TRAF3IP2: variants seen among roughly 807,000 people sequenced by gnomAD.
TRAF3IP2 encodes the protein E3 ubiquitin ligase TRAF3IP2.
A neutral mutation model predicts 57.9 loss-of-function variants in TRAF3IP2; 35 were observed. That is an observed-to-expected ratio of 0.60 (90% confidence interval 0.46 to 0.80). TRAF3IP2 has a LOEUF of 0.80. Ranked by LOEUF, TRAF3IP2 falls within the 30% of genes least tolerant of loss-of-function variation. TRAF3IP2 has a pLI of 0.00. For missense variants in TRAF3IP2, 556 were observed against 706.4 expected (o/e 0.79, Z 2.41); for synonymous variants, 251 against 268.9 (o/e 0.93, Z 0.65).
intron 1 of TRAF3IP2, chr6:111,597,769 G>A (rs767620805): frequency 8.9e-6 from 4 of 450,856 alleles, no homozygotes; most frequent in Non-Finnish European, 1.8e-5. Context: ...TGGAACAGCT[G>A]TGCATGTGAG....
chr6:111,590,756 A>G (rs1252941554), intron 2 of TRAF3IP2, among the ~76,000 whole-genome samples: 2 of 152,148 alleles, frequency 1.3e-5, no homozygotes, highest in African/African-American at 4.8e-5. Context: ...TCACAGAAAC[A>G]ACTTCATTTT....
chr6:111,600,084 T>A (rs1295201658), intron 1 of TRAF3IP2: 2 of 152,034 alleles, frequency 1.3e-5, no homozygotes, highest in Non-Finnish European at 2.9e-5. Flanking sequence ...TCCATAGGGG[T>A]GTGGTGAGGA....
chr6:111,589,115 C>T (rs1796427200), intron 2 of TRAF3IP2, among the ~76,000 whole-genome samples: 1 of 141,404 alleles, frequency 7.1e-6, no homozygotes, highest in Non-Finnish European at 1.5e-5. Flanking sequence ...TGTGTCATCG[C>T]CCAGGTGCAG....
At chr6:111,588,919 GA>G (rs969083975) in intron 2 of TRAF3IP2, among the ~76,000 whole-genome samples, 2 of 151,826 alleles carry the variant, frequency 1.3e-5, no homozygotes, top group East Asian at 1.9e-4. Context: ...TATATGCAAA[GA>G]AAAAAACACT....
At chr6:111,580,916 G>T (rs1469825806) in intron 2 of TRAF3IP2, among the ~76,000 whole-genome samples, 1 of 152,186 alleles carries the variant, frequency 6.6e-6, no homozygotes, top group Non-Finnish European at 1.5e-5. Flanking sequence ...ATGAAAACTT[G>T]GCTCATCCTC....
chr6:111,598,008 C>T (rs923503191), intron 1 of TRAF3IP2: 10 of 421,630 alleles, frequency 2.4e-5, no homozygotes, highest in Non-Finnish European at 3.3e-5. Context: ...ACCCTGGGAG[C>T]CCCCATGCTG....
Position 111,559,153 on chromosome 6 carries a change from G to A in TRAF3IP2, c.*252C>T, listed in dbSNP as rs1180678386. On this transcript the variant is annotated 3_prime_UTR_variant, in exon 9 of 9. Coordinates refer to ENST00000368761, the MANE Select transcript of TRAF3IP2 (RefSeq NM_147686.4). ...TCAAACTGTCAGGAGGAACATATGG[G>A]ACACTGGCACCTGCAATGGTTTTTT... The A allele has an allele frequency of 4.6e-6, 2 of 439,272 alleles. No homozygotes were observed. The highest frequency in any genetic ancestry group is 8.1e-6 in the Non-Finnish European group (2 of 246,260). 27.2% of individuals were successfully genotyped at this position (439,272 alleles called of 1,614,324 possible).
rs1168725409 is a variant in TRAF3IP2 at position 111,559,300 on chromosome 6, C to A, written c.*105G>T. On this transcript the variant is annotated 3_prime_UTR_variant, in exon 9 of 9. Transcript: ENST00000368761. ...GGCCAGAGGGCCTCTCGGGGAGGAACAGAAAAAAACCAGCCAGGAGTGCTA... is the reference window on the plus strand; with the variant it reads ...GGCCAGAGGGCCTCTCGGGGAGGAAAAGAAAAAAACCAGCCAGGAGTGCTA... 24 of 1,486,124 alleles carry A rather than the reference C, an allele frequency of 1.6e-5. No homozygotes were observed. Among genetic ancestry groups the A allele is most frequent in the Non-Finnish European group, 2.2e-5 (24 of 1,109,830 alleles). 92.1% of individuals were successfully genotyped at this position (1,486,124 alleles called of 1,614,324 possible).
chr6:111,590,700 G>A (rs1292197108), intron 2 of TRAF3IP2, among the ~76,000 whole-genome samples: 2 of 152,120 alleles, frequency 1.3e-5, no homozygotes, highest in Non-Finnish European at 1.5e-5. Context: ...GGAATGTAGG[G>A]TAGCTGTGGA....
At chr6:111,594,131 C>CAAAAAAAAA (rs1796608051) in intron 1 of TRAF3IP2, among the ~76,000 whole-genome samples, 1 of 17,838 alleles carries the variant, frequency 5.6e-5, no homozygotes, top group Non-Finnish European at 2.1e-4. Flanking sequence ...GACTCCATCT[C>CAAAAAAAAA]CAAAAAAAAA....
At position 111,580,251 on chromosome 6, in the gene TRAF3IP2, T is replaced by C. The variant is rs1457776874; in HGVS notation, c.968A>G (p.His323Arg). The C allele has an allele frequency of 2.5e-6, 4 of 1,613,226 alleles. No individual in the cohort carries two copies. The highest frequency in any genetic ancestry group is 2.5e-6 in the Non-Finnish European group (3 of 1,179,264). Residue 323 changes from histidine (H) to arginine (R), a missense_variant, in exon 3 of 9, where the codon CAC becomes CGC. His to Arg is a conservative substitution (Grantham distance 29, BLOSUM62 0). Around this residue, in one of 2 missense-constraint regions of TRAF3IP2, gnomAD observed 428 missense variants for 498.7 expected, o/e 0.86. Coordinates refer to ENST00000368761, the MANE Select transcript of TRAF3IP2 (RefSeq NM_147686.4). ...GTCTCTCTGTGCGGGCCTCTCTTCG[T>C]GGTCCCAGGGGCTGGGATAATTCAG... is the stretch of plus-strand genomic sequence containing the variant. ...VILNYPSPWD[H>R]EERPAQRDCS...
chr6:111,586,021 A>G (rs1224440175), intron 2 of TRAF3IP2, among the ~76,000 whole-genome samples: 1 of 152,016 alleles, frequency 6.6e-6, no homozygotes, highest in Non-Finnish European at 1.5e-5. Context: ...AGAGTTTATG[A>G]GAGAGAAATA....
chr6:111,596,603 G>A (rs556068816), intron 1 of TRAF3IP2, among the ~76,000 whole-genome samples: 9 of 152,174 alleles, frequency 5.9e-5, no homozygotes, highest in South Asian at 2.1e-4. Context: ...ACAGGTGTGC[G>A]CCACTGCGTC....
In TRAF3IP2 at chr6:111,559,379, C is replaced by A. The variant is rs1362575400; in HGVS notation, c.*26G>T. 6 of 1,609,010 alleles carry A rather than the reference C, an allele frequency of 3.7e-6. No individual in the cohort carries two copies. The highest frequency in any genetic ancestry group is 1.3e-5 in the African/African-American group (1 of 74,818). ...GAACAAGGCCCCAAACATGGCCTGG[C>A]CTCAGTGATCTGGGGATGAACGGTG... On this transcript the variant is annotated 3_prime_UTR_variant, in exon 9 of 9. Coordinates refer to ENST00000368761, the MANE Select transcript of TRAF3IP2 (RefSeq NM_147686.4).
intron 2 of TRAF3IP2, among the ~76,000 whole-genome samples, chr6:111,585,504 C>G (rs954661224): frequency 2.6e-5 from 4 of 151,968 alleles, no homozygotes; most frequent in Admixed American, 2.6e-4. Flanking sequence ...AAATAGGATA[C>G]AGTTCCCTTG....
chr6:111,571,680 AC>A (rs1341296750), intron 5 of TRAF3IP2, among the ~76,000 whole-genome samples: 1 of 152,160 alleles, frequency 6.6e-6, no homozygotes, highest in Non-Finnish European at 1.5e-5. Context: ...TAATCCCAGC[AC>A]TTTGGGAGGC....
chr6:111,592,505 A>G (rs1016510723), intron 1 of TRAF3IP2, among the ~76,000 whole-genome samples: 1 of 152,142 alleles, frequency 6.6e-6, no homozygotes, highest in African/African-American at 2.4e-5. Flanking sequence ...AGTTTTTTTT[A>G]AAAGCCAGGC....
intron 3 of TRAF3IP2, among the ~76,000 whole-genome samples, chr6:111,578,772 T>C (rs909370749): frequency 5.3e-5 from 8 of 152,226 alleles, no homozygotes; most frequent in African/African-American, 1.9e-4. Flanking sequence ...TTTCTTTCCA[T>C]GAAATGTTCA....
At chr6:111,580,863 C>T (rs1037761245) in intron 2 of TRAF3IP2, among the ~76,000 whole-genome samples, 17 of 152,306 alleles carry the variant, frequency 1.1e-4, no homozygotes, top group East Asian at 1.9e-4. Context: ...CACACGTGCG[C>T]GCACACACAC....
Sources: gnomAD v4.1 joint callset for allele counts (sites outside exome capture counted in the v4.1 genomes callset) on GRCh38, gnomAD v4.1.1 for gene constraint, gnomAD v4.1.1 regional missense constraint, MANE v1.5 for transcripts, NCBI Gene and HGNC (gene_info 2026-07-23, HGNC 2026-07-21) for gene names.